Variants in MOSMO observed in about 807,000 individuals in gnomAD.
The protein encoded by MOSMO is modulator of smoothened, also known as modulator of smoothened protein.
Under a neutral mutation model 18.4 loss-of-function variants are expected in MOSMO, and 5 were observed. The ratio of observed to expected loss-of-function variants is 0.27; its 90% confidence interval spans 0.14 to 0.57. MOSMO has a LOEUF of 0.57. Ranked by LOEUF, MOSMO falls within the 20% of genes least tolerant of loss-of-function variation. The pLI is 0.92. For missense variants in MOSMO, 138 were observed against 211.8 expected (o/e 0.65, Z 2.16); for synonymous variants, 82 against 82.3 (o/e 1.00, Z 0.02).
chr16:22,054,129 T>G (rs922538051), intron 1 of MOSMO, among the ~76,000 whole-genome samples: 1 of 151,752 alleles, frequency 6.6e-6, no homozygotes, highest in Non-Finnish European at 1.5e-5. Flanking sequence ...AAAGTGTCCC[T>G]CTGTTGCCCA....
intron 1 of MOSMO, among the ~76,000 whole-genome samples, chr16:22,032,643 C>T (rs1900019204): frequency 6.6e-6 from 1 of 152,112 alleles, no homozygotes; most frequent in Non-Finnish European, 1.5e-5. Context: ...AATTCCTGGG[C>T]TCAAGGTATC....
chr16:22,072,330 G>T (rs912509843), intron 1 of MOSMO, among the ~76,000 whole-genome samples: 1 of 152,156 alleles, frequency 6.6e-6, no homozygotes, highest in African/African-American at 2.4e-5. Flanking sequence ...GAAAATATAT[G>T]ACTGTGTTAT....
chr16:22,030,906 T>A (rs1598003526), intron 1 of MOSMO, among the ~76,000 whole-genome samples: 1 of 152,172 alleles, frequency 6.6e-6, no homozygotes, highest in Non-Finnish European at 1.5e-5. Context: ...TATGATTAGT[T>A]TATCCCATTT....
In MOSMO at chr16:22,075,620, T is replaced by G; in HGVS notation, c.240T>G (p.Thr80=). 3.3e-6 allele frequency: 5 copies of G among 1,537,414 alleles called. No homozygotes were observed. Among genetic ancestry groups the G allele is most frequent in the Non-Finnish European group, 4.4e-6 (5 of 1,146,936 alleles). ...TCATCATGGGAATCATTTCATTGAC[T>G]GTCACATGTGGTTTGCTGGTGGCTT... ...FFIIMGIISL[T]VTCGLLVASH... The change falls in exon 2 of 3, where the codon ACT becomes ACG. Residue 80 remains threonine, a synonymous_variant. Transcript: ENST00000542527.
At chr16:22,074,481 A>G (rs1044933357) in intron 1 of MOSMO, among the ~76,000 whole-genome samples, 4 of 152,168 alleles carry the variant, frequency 2.6e-5, no homozygotes, top group Non-Finnish European at 5.9e-5. Flanking sequence ...AGAAATTTCC[A>G]TTCCTATATT....
chr16:22,051,365 G>A (rs768178929), intron 1 of MOSMO, among the ~76,000 whole-genome samples: 5 of 151,184 alleles, frequency 3.3e-5, no homozygotes, highest in South Asian at 2.1e-4. Context: ...CAGCCTGGGC[G>A]ACAGAGCAAG....
intron 1 of MOSMO, among the ~76,000 whole-genome samples, chr16:22,046,575 A>C (rs565601142): frequency 6.6e-6 from 1 of 152,198 alleles, no homozygotes; most frequent in African/African-American, 2.4e-5. Flanking sequence ...CCTAACACAC[A>C]TATTTTCTCT....
chr16:22,084,775 G>A (rs1901141166), downstream of MOSMO: 1 of 152,094 alleles, frequency 6.6e-6, no homozygotes, highest in East Asian at 1.9e-4. Flanking sequence ...GCATTGGGGG[G>A]TGAGGGCGGT....
chr16:22,036,194 A>G (rs1372552100), intron 1 of MOSMO, among the ~76,000 whole-genome samples: 2 of 152,022 alleles, frequency 1.3e-5, no homozygotes, highest in East Asian at 1.9e-4. Flanking sequence ...TGGCCCAATC[A>G]TGGCTCACCG....
At chr16:22,043,111 G>A (rs1900241152) in intron 1 of MOSMO, among the ~76,000 whole-genome samples, 1 of 152,168 alleles carries the variant, frequency 6.6e-6, no homozygotes, top group South Asian at 2.1e-4. Flanking sequence ...ACCCTGTAAA[G>A]ATCAACAATT....
chr16:22,052,505 C>T (rs527597113), intron 1 of MOSMO, among the ~76,000 whole-genome samples: 1 of 152,274 alleles, frequency 6.6e-6, no homozygotes, highest in South Asian at 2.1e-4. Context: ...ACCAGTTTTA[C>T]TTATTAACAG....
chr16:22,080,418 G>A (rs529299048), intron 2 of MOSMO, among the ~76,000 whole-genome samples: 13 of 152,262 alleles, frequency 8.5e-5, no homozygotes, highest in Middle Eastern at 3.4e-3. Context: ...GCTAGGAATC[G>A]TATTTGTGAG....
chr16:22,024,329 A>G (rs1346450346), intron 1 of MOSMO, among the ~76,000 whole-genome samples: 1 of 151,924 alleles, frequency 6.6e-6, no homozygotes, highest in Non-Finnish European at 1.5e-5. Context: ...ACAAATATGT[A>G]TAGGAGATTT....
At chr16:22,012,739 G>GAAAAAA (rs5816166) in intron 1 of MOSMO, among the ~76,000 whole-genome samples, 2 of 67,140 alleles carry the variant, frequency 3.0e-5, no homozygotes, top group African/African-American at 6.5e-5. Flanking sequence ...AGAAGGAATA[G>GAAAAAA]AAAAAAAAAA....
At chr16:22,010,926 G>C (rs370095212) in intron 1 of MOSMO, among the ~76,000 whole-genome samples, 4 of 93,550 alleles carry the variant, frequency 4.3e-5, no homozygotes, top group Non-Finnish European at 9.1e-5. Flanking sequence ...GTCTTAAAAA[G>C]AAAACAGAAA....
rs1263528520 is a variant in MOSMO, at chr16:22,080,680, T to G, written c.320-16T>G. ...CAAACCATGTTACTAATGTTGTGTTTTGGTTTGTTTTACAGTGATCCTTTT... is the reference window on the plus strand; with the variant it reads ...CAAACCATGTTACTAATGTTGTGTTGTGGTTTGTTTTACAGTGATCCTTTT... On this transcript the variant is annotated splice_polypyrimidine_tract_variant and intron_variant, in intron 2 of 2. Transcript: ENST00000542527. 7 of 1,255,408 alleles carry G rather than the reference T, an allele frequency of 5.6e-6. No homozygotes were observed. The highest frequency in any genetic ancestry group is 7.0e-6 in the Non-Finnish European group (7 of 1,003,124). The allele number at this position is 1,255,408 out of a possible 1,614,324, so 77.8% of individuals were successfully genotyped here. A position where few individuals can be genotyped will look rare whatever the true frequency, so the allele number is the denominator to read the frequency against.
At chr16:22,026,574 T>G (rs544469841) in intron 1 of MOSMO, among the ~76,000 whole-genome samples, 1 of 152,232 alleles carries the variant, frequency 6.6e-6, no homozygotes, top group African/African-American at 2.4e-5. Flanking sequence ...TGTCTTATAG[T>G]GATTTGGTGG....
At chr16:22,066,832 C>A (rs1900756610) in intron 1 of MOSMO, among the ~76,000 whole-genome samples, 1 of 152,144 alleles carries the variant, frequency 6.6e-6, no homozygotes, top group South Asian at 2.1e-4. Flanking sequence ...CAGTTTTCAA[C>A]TAAAAATTAC....
intron 1 of MOSMO, among the ~76,000 whole-genome samples, chr16:22,024,742 T>A (rs1899840979): frequency 6.6e-6 from 1 of 152,154 alleles, no homozygotes; most frequent in Admixed American, 6.5e-5. Context: ...CAGAAAAGGT[T>A]TAAGTTTTAT....
Sources: gnomAD v4.1 joint callset for allele counts (sites outside exome capture counted in the v4.1 genomes callset) on GRCh38, gnomAD v4.1.1 for gene constraint, MANE v1.5 for transcripts, NCBI Gene and HGNC (gene_info 2026-07-23, HGNC 2026-07-21) for gene names.